The following DLG2 variants were observed in gnomAD, a reference collection of about 807,000 sequenced individuals.
The protein encoded by DLG2 is discs large MAGUK scaffold protein 2, also known as disks large homolog 2.
DLG2 carries 45 observed loss-of-function variants against 132.5 expected under a neutral mutation model. That is an observed-to-expected ratio of 0.34 (90% CI 0.27 to 0.44). DLG2 has a LOEUF of 0.44. Ranked by LOEUF, DLG2 falls within the 20% of genes least tolerant of loss-of-function variation. The pLI, the probability that DLG2 is intolerant of heterozygous loss-of-function variation, is 1.00. For missense variants in DLG2, 1,045 were observed against 1,196.9 expected (o/e 0.87, Z 1.87); for synonymous variants, 424 against 419.6 (o/e 1.01, Z -0.13).
chr11:84,842,641 C>T (rs1483478710), intron 6 of DLG2, among the ~76,000 whole-genome samples: 2 of 151,914 alleles, frequency 1.3e-5, no homozygotes, highest in Admixed American at 6.6e-5. Context: ...TACCTACCAG[C>T]TCAAGTGCCA....
intron 6 of DLG2, among the ~76,000 whole-genome samples, chr11:84,578,794 G>A (rs1212744373): frequency 6.6e-6 from 1 of 152,130 alleles, no homozygotes. Context: ...GAAGACATGA[G>A]ATTTTGAGGG....
At chr11:84,784,347 A>T (rs1430778768) in intron 6 of DLG2, among the ~76,000 whole-genome samples, 1 of 146,082 alleles carries the variant, frequency 6.8e-6, no homozygotes, top group Non-Finnish European at 1.5e-5. Flanking sequence ...TAAATAAATA[A>T]ATAAATAAAT....
intron 6 of DLG2, among the ~76,000 whole-genome samples, chr11:85,045,814 T>C (rs2062285820): frequency 6.6e-6 from 1 of 152,088 alleles, no homozygotes; most frequent in African/African-American, 2.4e-5. Flanking sequence ...TTTCAACTAT[T>C]CTAGAAGGCA....
chr11:83,526,808 A>G (rs1039878370), intron 21 of DLG2, among the ~76,000 whole-genome samples: 1 of 151,930 alleles, frequency 6.6e-6, no homozygotes, highest in African/African-American at 2.4e-5. Context: ...CCCAGTCCCT[A>G]TTTTCCTAAT....
rs192978986 is a variant in DLG2, at chr11:84,756,370, A to C, written c.358-221639T>G. 7.9e-5 allele frequency among the ~76,000 whole-genome samples: 12 copies of C among 152,346 alleles called. No individual in the cohort carries two copies. The East Asian group carries it at 2.3e-3, about 29-fold the overall frequency. On this transcript the variant is annotated intron_variant, in intron 6 of 27. Transcript: ENST00000376104. The stretch of plus-strand genomic sequence containing the variant: ...ACACCTGTAATCCCAGCCCTTTAGA[A>C]ATAACTGCTGAGGAGAGTATTTTCC...
chr11:84,582,667 C>G (rs2099519460), intron 6 of DLG2, among the ~76,000 whole-genome samples: 1 of 151,866 alleles, frequency 6.6e-6, no homozygotes, highest in South Asian at 2.1e-4. Flanking sequence ...ATATTAACAT[C>G]TATAGCTCTA....
chr11:84,294,353 CT>C (rs2098056971), intron 7 of DLG2, among the ~76,000 whole-genome samples: 1 of 152,182 alleles, frequency 6.6e-6, no homozygotes, highest in African/African-American at 2.4e-5. Context: ...AATCCCAGCA[CT>C]TTGGGAGGCC....
At chr11:85,529,424 T>G (rs2075032130) in intron 3 of DLG2, among the ~76,000 whole-genome samples, 1 of 152,226 alleles carries the variant, frequency 6.6e-6, no homozygotes, top group Non-Finnish European at 1.5e-5. Flanking sequence ...TCAATCTTTT[T>G]AAATCCATCC....
chr11:83,490,873 C>T lies in DLG2; in HGVS notation c.2194-6645G>A, dbSNP rs574611609. 7.2e-5 allele frequency among the ~76,000 whole-genome samples: 11 copies of T among 151,962 alleles called. No individual in the cohort carries two copies. In the East Asian group the frequency reaches 1.5e-3, roughly 21 times the overall value. On this transcript the variant is annotated intron_variant, in intron 21 of 27. Coordinates refer to ENST00000376104, the MANE Select transcript of DLG2 (RefSeq NM_001142699.3). ...GGACCAACAGAATGCAATGTGTAGTCCTGAGTCAGAAAAATAAAAAGTCAT... is the reference window on the plus strand; with the variant it reads ...GGACCAACAGAATGCAATGTGTAGTTCTGAGTCAGAAAAATAAAAAGTCAT...
At chr11:83,758,076 T>A (rs2093727126) in intron 18 of DLG2, among the ~76,000 whole-genome samples, 1 of 152,234 alleles carries the variant, frequency 6.6e-6, no homozygotes, top group African/African-American at 2.4e-5. Context: ...ATAAAATTTT[T>A]GCTGACTGTA....
intron 6 of DLG2, among the ~76,000 whole-genome samples, chr11:84,676,584 A>C (rs2099711468): frequency 1.3e-5 from 2 of 152,076 alleles, no homozygotes; most frequent in Non-Finnish European, 2.9e-5. Flanking sequence ...CATATAGAGC[A>C]GTTCTGCCAG....
chr11:84,599,053 T>C (rs1485633827), intron 6 of DLG2, among the ~76,000 whole-genome samples: 1 of 151,824 alleles, frequency 6.6e-6, no homozygotes, highest in Non-Finnish European at 1.5e-5. Flanking sequence ...GAGACCAGCC[T>C]GGACAACATG....
intron 18 of DLG2, among the ~76,000 whole-genome samples, chr11:83,764,769 T>C (rs78651070): frequency 0.082 from 12,518 of 152,268 alleles, 620 homozygotes; most frequent in Middle Eastern, 0.14. Context: ...GTCTGTGCTT[T>C]GATCACTTCA....
intron 3 of DLG2, among the ~76,000 whole-genome samples, chr11:85,505,118 G>T (rs1211354802): frequency 4.6e-5 from 7 of 152,072 alleles, no homozygotes; most frequent in South Asian, 4.1e-4. Flanking sequence ...AGGAGATTTT[G>T]GGCTGAGACA....
intron 4 of DLG2, among the ~76,000 whole-genome samples, chr11:85,219,196 C>T (rs984427627): frequency 6.6e-6 from 1 of 152,104 alleles, no homozygotes; most frequent in Non-Finnish European, 1.5e-5. Flanking sequence ...TGTAACAAAC[C>T]TGCACATGTA....
At chr11:85,393,803 G>C (rs533517469) in intron 3 of DLG2, among the ~76,000 whole-genome samples, 14 of 152,012 alleles carry the variant, frequency 9.2e-5, no homozygotes, top group Non-Finnish European at 2.1e-4. Flanking sequence ...AAGTAACTCA[G>C]GAATAGAAAA....
At chr11:84,430,340 G>T (rs1439702076) in intron 7 of DLG2, among the ~76,000 whole-genome samples, 1 of 151,656 alleles carries the variant, frequency 6.6e-6, no homozygotes, top group Admixed American at 6.6e-5. Context: ...TCAGGAGGCT[G>T]AGGCAGTAGA....
At chr11:83,936,243 G>A (rs920311693) in intron 14 of DLG2, among the ~76,000 whole-genome samples, 34 of 152,218 alleles carry the variant, frequency 2.2e-4, no homozygotes, top group African/African-American at 8.0e-4. Context: ...AAAAGGTACT[G>A]CACAGGTGCC....
intron 6 of DLG2, among the ~76,000 whole-genome samples, chr11:84,819,273 C>T (rs1459431878): frequency 6.6e-6 from 1 of 151,882 alleles, no homozygotes; most frequent in Non-Finnish European, 1.5e-5. Flanking sequence ...AAAGCTACTG[C>T]TTCTTCCTGT....
Sources: gnomAD v4.1 joint callset for allele counts (sites outside exome capture counted in the v4.1 genomes callset) on GRCh38, gnomAD v4.1.1 for gene constraint, MANE v1.5 for transcripts, NCBI Gene and HGNC (gene_info 2026-07-23, HGNC 2026-07-21) for gene names.